The following MYO6 variants were observed in gnomAD, a reference collection of about 807,000 sequenced individuals.
The protein encoded by MYO6 is unconventional myosin-VI.
A neutral mutation model predicts 178.7 loss-of-function variants in MYO6; 74 were observed. The ratio of observed to expected loss-of-function variants is 0.41; its 90% CI spans 0.34 to 0.50. The LOEUF (loss-of-function observed/expected upper bound fraction) is 0.50. Ranked by LOEUF, MYO6 falls within the 20% of genes least tolerant of loss-of-function variation. The probability of loss-of-function intolerance (pLI) is 0.09; values close to 1 mark genes in which losing one functional copy is unlikely to be tolerated. For missense variants in MYO6, 1,330 were observed against 1,547.4 expected (o/e 0.86, Z 2.36); for synonymous variants, 477 against 504.6 (o/e 0.95, Z 0.73).
chr6:75,799,136 C>G (rs542228359), intron 1 of MYO6, among the ~76,000 whole-genome samples: 1 of 152,270 alleles, frequency 6.6e-6, no homozygotes, highest in African/African-American at 2.4e-5. Flanking sequence ...TGTCTGTAAT[C>G]CCAGCACTTT....
intron 1 of MYO6, among the ~76,000 whole-genome samples, chr6:75,787,765 T>TATATGTA (rs1562158930): frequency 2.8e-5 from 3 of 105,626 alleles, no homozygotes; most frequent in African/African-American, 8.8e-5. Flanking sequence ...TATATATGTA[T>TATATGTA]TTTTTTTTTT....
intron 1 of MYO6, among the ~76,000 whole-genome samples, chr6:75,758,652 G>T (rs1298051418): frequency 6.6e-6 from 1 of 152,050 alleles, no homozygotes; most frequent in African/African-American, 2.4e-5. Flanking sequence ...TAGAGATGGG[G>T]TTTCACTGTG....
At chr6:75,871,347 T>TA (rs899201957) in intron 19 of MYO6, among the ~76,000 whole-genome samples, 3 of 152,184 alleles carry the variant, frequency 2.0e-5, no homozygotes, top group African/African-American at 7.2e-5. Context: ...CCTCTCTGGT[T>TA]AAAGTGGTCC....
At position 75,857,111 on chromosome 6, in the gene MYO6, T is replaced by A; in HGVS notation, c.1238T>A (p.Val413Glu). Residue 413 changes from valine (V) to glutamate (E), a missense_variant, in exon 13 of 35, where the codon GTG (valine) becomes GAG (glutamate). By Grantham distance (121) the Val-to-Glu change is moderately radical. Transcript: ENST00000369977. ...TTCTTTTATAGGGTACCTCTGAAAG[T>A]GGAGCAAGCAAACAATGCTCGTGAT... ...KGTVIKVPLK[V>E]EQANNARDAL... The A allele has an allele frequency of 6.2e-7, 1 of 1,614,008 alleles. No homozygotes were observed. Among genetic ancestry groups the A allele is most frequent in the Non-Finnish European group, 8.5e-7 (1 of 1,179,918 alleles).
intron 18 of MYO6, among the ~76,000 whole-genome samples, chr6:75,868,197 A>G (rs935488112): frequency 9.9e-5 from 15 of 152,072 alleles, no homozygotes; most frequent in South Asian, 6.2e-4. Flanking sequence ...AAGCTTAAAC[A>G]TAAATATAGG....
chr6:75,899,685 A>G (rs1324259851), intron 30 of MYO6, among the ~76,000 whole-genome samples: 1 of 150,204 alleles, frequency 6.7e-6, no homozygotes, highest in Admixed American at 6.6e-5. Context: ...GGGAAGGACT[A>G]ATGGCCACAC....
intron 16 of MYO6, among the ~76,000 whole-genome samples, chr6:75,863,113 A>G (rs1009409523): frequency 1.1e-4 from 16 of 151,940 alleles, no homozygotes; most frequent in African/African-American, 3.9e-4. Flanking sequence ...TACAATGAGA[A>G]TTACCTGCTG....
chr6:75,886,794 A>G (rs1331817868), intron 24 of MYO6, 50 bp from the exon 25 acceptor site: 18 of 1,581,420 alleles, frequency 1.1e-5, no homozygotes, highest in Non-Finnish European at 1.6e-5. Flanking sequence ...AAAATCTGCC[A>G]AAAGTACTAA....
chr6:75,791,533 G>T (rs943492972), intron 1 of MYO6, among the ~76,000 whole-genome samples: 2 of 152,062 alleles, frequency 1.3e-5, no homozygotes, highest in African/African-American at 2.4e-5. Context: ...TAAAAAAATC[G>T]AGACTTAAAT....
Position 75,763,233 on chromosome 6 carries a change from C to T in MYO6, c.-48+13810C>T, listed in dbSNP as rs145409817. 1.4e-3 allele frequency among the ~76,000 whole-genome samples: 219 copies of T among 152,062 alleles called. 3 individuals are homozygous for T. The highest frequency in any genetic ancestry group is 5.0e-3 in the African/African-American group (206 of 41,496). ...TAGAGACGGGGTTTCACCATCTTGG[C>T]CAGGCTGGTCTTGAACTCCTGACCT... On this transcript the variant is annotated intron_variant, in intron 1 of 34. Coordinates refer to ENST00000369977, the MANE Select transcript of MYO6 (RefSeq NM_004999.4).
In MYO6 at chr6:75,817,000, C is replaced by T. The variant is rs76378620; in HGVS notation, c.-47-501C>T. On this transcript the variant is annotated intron_variant, in intron 1 of 34. Transcript: ENST00000369977. ...TGAGGGTGGAACAACCTCTGCTTGG[C>T]CTCATCTAAAAGTAGATAAAGGGGG... 5.8e-3 allele frequency among the ~76,000 whole-genome samples: 879 copies of T among 152,220 alleles called. 12 individuals carry two copies. The highest frequency in any genetic ancestry group is 0.02 in the African/African-American group (842 of 41,544).
At chr6:75,815,695 G>A (rs908505796) in intron 1 of MYO6, among the ~76,000 whole-genome samples, 5 of 152,194 alleles carry the variant, frequency 3.3e-5, no homozygotes, top group Non-Finnish European at 5.9e-5. Flanking sequence ...CAACCAACAA[G>A]CAAGTTGCAA....
At chr6:75,761,807 CAG>C (rs1777976407) in intron 1 of MYO6, among the ~76,000 whole-genome samples, 1 of 150,724 alleles carries the variant, frequency 6.6e-6, no homozygotes. Flanking sequence ...ATGTGGACAA[CAG>C]AGTAGGTCAG....
At chr6:75,822,942 G>T (rs1459019868) in intron 3 of MYO6, 91 bp downstream of exon 3, 1 of 1,000,720 alleles carries the variant, frequency 1.0e-6, no homozygotes. Flanking sequence ...CTGATACACT[G>T]TGCGGGTTCA....
intron 1 of MYO6, among the ~76,000 whole-genome samples, chr6:75,776,970 A>T (rs1766455079): frequency 6.6e-6 from 1 of 152,230 alleles, no homozygotes; most frequent in Non-Finnish European, 1.5e-5. Context: ...CTCTCTGTCC[A>T]GATACAGCAT....
chr6:75,872,069 C>T (rs1303058892), intron 19 of MYO6, among the ~76,000 whole-genome samples: 2 of 151,980 alleles, frequency 1.3e-5, no homozygotes, highest in Non-Finnish European at 2.9e-5. Context: ...GCGGAGGTTG[C>T]AGTGAGCCAA....
chr6:75,836,485 C>T (rs1180506693), intron 7 of MYO6, among the ~76,000 whole-genome samples: 3 of 152,286 alleles, frequency 2.0e-5, no homozygotes, highest in Non-Finnish European at 4.4e-5. Context: ...TGATGCCCTC[C>T]TGCATCATAG....
chr6:75,784,585 A>T (rs546657662), intron 1 of MYO6, among the ~76,000 whole-genome samples: 1 of 151,864 alleles, frequency 6.6e-6, no homozygotes, highest in African/African-American at 2.4e-5. Context: ...CATCCTGGCT[A>T]ACATGGTGAA....
chr6:75,914,326 T>A (rs916039871), intron 34 of MYO6, 45 bp downstream of exon 34: 13 of 1,541,728 alleles, frequency 8.4e-6, no homozygotes, highest in Non-Finnish European at 1.2e-5. Context: ...ACAAAAAAGA[T>A]CATAAACTCT....
Sources: allele counts gnomAD v4.1 joint callset (sites outside exome capture counted in the v4.1 genomes callset), GRCh38; gene constraint gnomAD v4.1.1; transcripts MANE v1.5; gene names NCBI Gene and HGNC (gene_info 2026-07-23, HGNC 2026-07-21).